Variants in MMP16 observed in about 807,000 individuals in gnomAD.
The protein encoded by MMP16 is matrix metalloproteinase-16.
In MMP16, 12 loss-of-function variants were observed where a neutral mutation model predicts 67.8. That is an observed-to-expected ratio of 0.18 (90% confidence interval 0.11 to 0.29). The LOEUF is 0.29. Ranked by LOEUF, MMP16 falls within the 10% of genes least tolerant of loss-of-function variation. MMP16 has a pLI of 1.00. For synonymous variants in MMP16, 249 were observed against 255.9 expected (o/e 0.97, Z 0.26); for missense variants, 475 against 765.7 (o/e 0.62, Z 4.48).
At chr8:88,200,591 G>T (rs1390779987) in intron 1 of MMP16, among the ~76,000 whole-genome samples, 1 of 151,972 alleles carries the variant, frequency 6.6e-6, no homozygotes, top group Non-Finnish European at 1.5e-5. Flanking sequence ...GATATATCCA[G>T]CAGTAAAAGG....
At chr8:88,280,136 T>C (rs1272703683) in intron 1 of MMP16, among the ~76,000 whole-genome samples, 1 of 152,204 alleles carries the variant, frequency 6.6e-6, no homozygotes, top group Non-Finnish European at 1.5e-5. Flanking sequence ...AACACTGAAC[T>C]GCATCTGTTT....
chr8:88,129,873 C>CT (rs1335007124), intron 4 of MMP16, among the ~76,000 whole-genome samples: 1 of 151,422 alleles, frequency 6.6e-6, no homozygotes, highest in East Asian at 1.9e-4. Context: ...TACTGTGAAC[C>CT]TTATACTTGA....
intron 1 of MMP16, among the ~76,000 whole-genome samples, chr8:88,308,440 TAC>T (rs1245867603): frequency 6.6e-6 from 1 of 152,062 alleles, no homozygotes; most frequent in African/African-American, 2.4e-5. Flanking sequence ...CCAGACAAGC[TAC>T]ATAAAGCAAG....
intron 1 of MMP16, among the ~76,000 whole-genome samples, chr8:88,282,447 T>C (rs905636309): frequency 2.0e-5 from 3 of 152,322 alleles, no homozygotes; most frequent in Non-Finnish European, 2.9e-5. Flanking sequence ...ATTAATTCAA[T>C]AGAATCTATG....
intron 1 of MMP16, among the ~76,000 whole-genome samples, chr8:88,252,210 C>T (rs965239962): frequency 5.3e-5 from 8 of 151,716 alleles, no homozygotes; most frequent in Non-Finnish European, 5.9e-5. Context: ...TTTATTGCGG[C>T]ATTATTCACA....
intron 4 of MMP16, among the ~76,000 whole-genome samples, chr8:88,122,776 A>G (rs1807860654): frequency 1.3e-5 from 2 of 151,136 alleles, no homozygotes; most frequent in Non-Finnish European, 3.0e-5. Flanking sequence ...CTGATCTCAC[A>G]CTCACATTGT....
chr8:88,176,949 T>G (rs750536388), intron 3 of MMP16, among the ~76,000 whole-genome samples: 3 of 152,212 alleles, frequency 2.0e-5, no homozygotes, highest in Non-Finnish European at 4.4e-5. Flanking sequence ...CTGGGATTTT[T>G]GTTGGAATTG....
At chr8:88,119,585 A>G (rs1807785255) in intron 4 of MMP16, among the ~76,000 whole-genome samples, 1 of 152,042 alleles carries the variant, frequency 6.6e-6, no homozygotes. Flanking sequence ...TGTACAGTGA[A>G]ATCTATTGAG....
intron 2 of MMP16, among the ~76,000 whole-genome samples, chr8:88,196,111 C>T (rs946633026): frequency 1.3e-5 from 2 of 152,172 alleles, no homozygotes; most frequent in Non-Finnish European, 2.9e-5. Flanking sequence ...TGTCAAAAGA[C>T]GGATTCTGCA....
chr8:88,117,748 TA>T (rs545431380), intron 5 of MMP16, among the ~76,000 whole-genome samples: 475 of 151,558 alleles, frequency 3.1e-3, no homozygotes, highest in African/African-American at 3.8e-3. Context: ...TTATTAAAAT[TA>T]AAAAAAAACT....
In MMP16 at chr8:88,186,523, T is replaced by A. The variant is rs1250252583; in HGVS notation, c.357A>T (p.Arg119=). The change falls in exon 3 of 10, where the codon CGA becomes CGT. Residue 119 remains arginine (R), a synonymous_variant. Transcript: ENST00000286614. ...GSSKFHIRRK[R]YALTGQKWQH... is the part of the protein sequence containing the mutation. ...GCCATTTCTGTCCTGTCAATGCATA[T>A]CGCTTTCGACGAATATGAAATTTGG... 2 of 1,611,162 alleles carry A rather than the reference T, an allele frequency of 1.2e-6. No homozygotes were observed. Among genetic ancestry groups the A allele is most frequent in the African/African-American group, 2.7e-5 (2 of 73,810 alleles).
At position 88,034,124 on chromosome 8, in the gene MMP16, T is replaced by C. The variant is rs1008637309; in HGVS notation, c.*7337A>G. On this transcript the variant is annotated 3_prime_UTR_variant, in exon 10 of 10. Coordinates refer to ENST00000286614, the MANE Select transcript of MMP16 (RefSeq NM_005941.5). ...CAACTTTGCTGGGACTGTCTTTGCATGGAAGTTTTGACGAAAAATACTGAG... is the reference window on the plus strand; with the variant it reads ...CAACTTTGCTGGGACTGTCTTTGCACGGAAGTTTTGACGAAAAATACTGAG... The C allele has an allele frequency of 1.3e-5, 2 of 151,806 alleles. No homozygotes were observed. The highest frequency in any genetic ancestry group is 2.4e-5 in the African/African-American group (1 of 41,348). The allele number at this position is 151,806 out of a possible 1,614,324, so 9.4% of individuals were successfully genotyped here. A position where few individuals can be genotyped will look rare whatever the true frequency, so the allele number is the denominator to read the frequency against.
chr8:88,109,227 C>T (rs1041468985), intron 6 of MMP16, among the ~76,000 whole-genome samples: 1 of 151,350 alleles, frequency 6.6e-6, no homozygotes, highest in African/African-American at 2.4e-5. Context: ...AGATAAGTTA[C>T]ATTTTATTTT....
At chr8:88,257,506 T>A (rs1810322214) in intron 1 of MMP16, among the ~76,000 whole-genome samples, 1 of 152,236 alleles carries the variant, frequency 6.6e-6, no homozygotes, top group African/African-American at 2.4e-5. Context: ...GCATATGCCA[T>A]TCTCCTAGCA....
intron 1 of MMP16, among the ~76,000 whole-genome samples, chr8:88,220,836 A>T (rs769997815): frequency 2.0e-5 from 3 of 152,144 alleles, no homozygotes. Flanking sequence ...TCCTAAAGGC[A>T]TGATTAAGAT....
At chr8:88,122,376 G>T (rs148724907) in intron 4 of MMP16, among the ~76,000 whole-genome samples, 1 of 151,852 alleles carries the variant, frequency 6.6e-6, no homozygotes, top group South Asian at 2.1e-4. Flanking sequence ...AAATTCCCAG[G>T]TCAATTCTGT....
chr8:88,066,401 A>C (rs906897401), intron 7 of MMP16, among the ~76,000 whole-genome samples: 4 of 152,150 alleles, frequency 2.6e-5, no homozygotes, highest in Non-Finnish European at 4.4e-5. Flanking sequence ...GGAAAAAAAA[A>C]CATATTACTT....
intron 3 of MMP16, 69 bp downstream of exon 3, chr8:88,186,407 A>T (rs1809073610): frequency 1.3e-6 from 2 of 1,582,706 alleles, no homozygotes; most frequent in African/African-American, 1.3e-5. Flanking sequence ...AGAAGATACT[A>T]AACTATGTGT....
chr8:88,292,464 T>C (rs1257767638), intron 1 of MMP16, among the ~76,000 whole-genome samples: 2 of 152,186 alleles, frequency 1.3e-5, no homozygotes, highest in African/African-American at 2.4e-5. Context: ...GCAGCTACTC[T>C]CCTAGCTAGA....
Sources: allele counts gnomAD v4.1 joint callset (sites outside exome capture counted in the v4.1 genomes callset), GRCh38; gene constraint gnomAD v4.1.1; transcripts MANE v1.5; gene names NCBI Gene and HGNC (gene_info 2026-07-23, HGNC 2026-07-21).